Variants in TAF8 observed in about 807,000 individuals in gnomAD.
The protein encoded by TAF8 is transcription initiation factor TFIID subunit 8.
A neutral mutation model predicts 36.5 loss-of-function variants in TAF8; 47 were observed. The ratio of observed to expected loss-of-function variants is 1.29; its 90% CI spans 1.02 to 1.64. The LOEUF is 1.64. TAF8 is among the 40% of genes most tolerant of loss of function. The pLI, the probability that TAF8 is intolerant of heterozygous loss-of-function variation, is 0.00. For missense variants in TAF8, 420 were observed against 407.6 expected (o/e 1.03, Z -0.26); for synonymous variants, 175 against 159.5 (o/e 1.10, Z -0.73).
intron 5 of TAF8, among the ~76,000 whole-genome samples, chr6:42,061,139 A>G (rs1269671760): frequency 6.6e-6 from 1 of 152,244 alleles, no homozygotes; most frequent in African/African-American, 2.4e-5. Context: ...AAAGGACCAA[A>G]GCAAGATAAA....
At chr6:42,055,448 G>A in intron 2 of TAF8, 83 bp from the exon 3 acceptor site, 1 of 922,256 alleles carries the variant, frequency 1.1e-6, no homozygotes, top group Admixed American at 1.8e-5. Flanking sequence ...ACCTAGGAGT[G>A]GAATTGTTGG....
In TAF8 at chr6:42,079,441, A is replaced by C; in HGVS notation, c.*1896A>C. The C allele has an allele frequency of 5.1e-6, 5 of 985,468 alleles. No individual in the cohort carries two copies. Among genetic ancestry groups the C allele is most frequent in the Non-Finnish European group, 6.0e-6 (5 of 829,934 alleles). 61.0% of individuals were successfully genotyped at this position (985,468 alleles called of 1,614,324 possible). A position where few individuals can be genotyped will look rare whatever the true frequency, so the allele number is the denominator to read the frequency against. ...CTCCTAAGGAAGAGTTTTTAAAACT[A>C]AATCCAAGGAAGAAAAATGTAACAA... On this transcript the variant is annotated 3_prime_UTR_variant, in exon 9 of 9. Transcript: ENST00000372977.
intron 5 of TAF8, among the ~76,000 whole-genome samples, chr6:42,062,615 A>G (rs1167523120): frequency 7.2e-6 from 1 of 138,312 alleles, no homozygotes; most frequent in African/African-American, 2.8e-5. Flanking sequence ...GCTCACTGCA[A>G]CCTCCACCAC....
At position 42,079,645 on chromosome 6, in the gene TAF8, C is replaced by G; in HGVS notation, c.*2100C>G. On this transcript the variant is annotated 3_prime_UTR_variant, in exon 9 of 9. Coordinates refer to ENST00000372977, the MANE Select transcript of TAF8 (RefSeq NM_138572.3). ...TGGCACTACCTCGGCTCACTGCAAC[C>G]TCCACTCCCCGGGTTCAAGCAATTC... 1.2e-6 allele frequency: 1 copy of G among 856,570 alleles called. No homozygotes were observed. Among genetic ancestry groups the G allele is most frequent in the Non-Finnish European group, 1.4e-6 (1 of 712,710 alleles). The allele number at this position is 856,570 out of a possible 1,614,324, so 53.1% of individuals were successfully genotyped here.
downstream of TAF8, chr6:42,087,148 T>C (rs1468718007): frequency 1.7e-5 from 4 of 239,196 alleles, no homozygotes; most frequent in Non-Finnish European, 3.3e-5. Context: ...TCAGCTTGTC[T>C]GGAGGAGGCC....
chr6:42,080,354 T>A lies in TAF8; in HGVS notation c.*2809T>A. The A allele has an allele frequency of 1.0e-6, 1 of 987,430 alleles. No homozygotes were observed. The highest frequency in any genetic ancestry group is 1.2e-6 in the Non-Finnish European group (1 of 834,342). The allele number at this position is 987,430 out of a possible 1,614,324, so 61.2% of individuals were successfully genotyped here. A position where few individuals can be genotyped will look rare whatever the true frequency, so the allele number is the denominator to read the frequency against. On this transcript the variant is annotated 3_prime_UTR_variant, in exon 9 of 9. Transcript: ENST00000372977. ...TCTGCTGTTGAGATTTCAGAGGCTA[T>A]ACTCTTTTTTTTTCTTTTCTTTTTT...
In TAF8 at chr6:42,077,209, C is replaced by A. The variant is rs781551114; in HGVS notation, c.890C>A (p.Pro297Gln). 6.2e-7 allele frequency: 1 copy of A among 1,613,746 alleles called. No individual in the cohort carries two copies. Among genetic ancestry groups the A allele is most frequent in the Non-Finnish European group, 8.5e-7 (1 of 1,179,784 alleles). Reference sequence around the variant, plus strand: ...ATCATCGATAACCCTTATCTGCGGCCGGTGAAGAAGCCCAAGATCCGCAGG... The same window carrying A: ...ATCATCGATAACCCTTATCTGCGGCAGGTGAAGAAGCCCAAGATCCGCAGG... Reference protein sequence around the residue: ...ENIIDNPYLRPVKKPKIRRKK... With the variant: ...ENIIDNPYLRQVKKPKIRRKK... Residue 297 changes from proline to glutamine, a missense_variant, in exon 8 of 9, where the codon CCG becomes CAG. Coordinates refer to ENST00000372977, the MANE Select transcript of TAF8 (RefSeq NM_138572.3).
Position 42,079,054 on chromosome 6 carries a change from G to A in TAF8, c.*1509G>A, listed in dbSNP as rs1362195381. 7 of 658,698 alleles carry A rather than the reference G, an allele frequency of 1.1e-5. No homozygotes were observed. In the South Asian group the frequency reaches 2.0e-4, roughly 19 times the overall value. The allele number at this position is 658,698 out of a possible 1,614,324, so 40.8% of individuals were successfully genotyped here. Reference sequence around the variant, plus strand: ...GGAGAATCACTTGAACCTGGGAGGCGGAGGTTGCAGTGAGCCGAGATCGTG... The same window carrying A: ...GGAGAATCACTTGAACCTGGGAGGCAGAGGTTGCAGTGAGCCGAGATCGTG... On this transcript the variant is annotated 3_prime_UTR_variant, in exon 9 of 9. Transcript: ENST00000372977.
chr6:42,084,220 C>G (rs560232104), downstream of TAF8, among the ~76,000 whole-genome samples: 244 of 151,122 alleles, frequency 1.6e-3, 1 homozygote, highest in African/African-American at 5.8e-3. Flanking sequence ...CTAAGGGCCT[C>G]GTTAGCCTGG....
At position 42,078,256 on chromosome 6, in the gene TAF8, TCACAGGATTTGA is replaced by T. The variant is rs1368019927; in HGVS notation, c.*712_*723del. On this transcript the variant is annotated 3_prime_UTR_variant, in exon 9 of 9. Transcript: ENST00000372977. ...CAGCAGCCAGTGACTTCGTTCATTATCACAGGATTTGATTCCTTTGAAACTCAAGAGACCAGG... is the reference window on the plus strand; with the variant it reads ...CAGCAGCCAGTGACTTCGTTCATTATTTCCTTTGAAACTCAAGAGACCAGG... 2 of 985,502 alleles carry T rather than the reference TCACAGGATTTGA, an allele frequency of 2.0e-6. No individual in the cohort carries two copies. The highest frequency in any genetic ancestry group is 2.4e-6 in the Non-Finnish European group (2 of 829,972). 61.0% of individuals were successfully genotyped at this position (985,502 alleles called of 1,614,324 possible).
At chr6:42,059,155 G>A (rs547783728) in intron 5 of TAF8, among the ~76,000 whole-genome samples, 1 of 151,890 alleles carries the variant, frequency 6.6e-6, no homozygotes, top group Non-Finnish European at 1.5e-5. Context: ...AGGCCGAGGT[G>A]GGGGGATCAT....
chr6:42,084,994 T>C (rs1766004953), downstream of TAF8, among the ~76,000 whole-genome samples: 1 of 152,214 alleles, frequency 6.6e-6, no homozygotes, highest in African/African-American at 2.4e-5. Flanking sequence ...GAGACTTCCA[T>C]AAGAGCAAAA....
intron 7 of TAF8, among the ~76,000 whole-genome samples, chr6:42,074,574 G>A (rs970095709): frequency 3.3e-5 from 5 of 152,072 alleles, no homozygotes; most frequent in Non-Finnish European, 4.4e-5. Flanking sequence ...CCACTCTGTC[G>A]TCTAGGCTGG....
At position 42,055,585 on chromosome 6, in the gene TAF8, C is replaced by A. The variant is rs1198889856; in HGVS notation, c.257C>A (p.Thr86Asn). 6.2e-7 allele frequency: 1 copy of A among 1,614,054 alleles called. No homozygotes were observed. The change falls in exon 3 of 9, where the codon ACC becomes AAC. Residue 86 changes from threonine (T) to asparagine (N), a missense_variant. Thr to Asn is a moderately conservative substitution (Grantham distance 65). Transcript: ENST00000372977. ...TCTTACTGTGAGCACACAGCCAGGA[C>A]CCAGCCCACACTGTCCGATATCGTG... Reference protein sequence around the residue: ...AKSYCEHTARTQPTLSDIVVT... With the variant: ...AKSYCEHTARNQPTLSDIVVT...
chr6:42,056,015 G>C lies in TAF8; in HGVS notation c.364+1G>C, dbSNP rs763892040. ...TCTCAGAGGATGGTCATCACTGCTCGTAAGTGACTTTGAACTGAGGTACTT... is the reference window on the plus strand; with the variant it reads ...TCTCAGAGGATGGTCATCACTGCTCCTAAGTGACTTTGAACTGAGGTACTT... On this transcript the variant is annotated splice_donor_variant, in intron 4 of 8. Coordinates refer to ENST00000372977, the MANE Select transcript of TAF8 (RefSeq NM_138572.3). LOFTEE classifies it high-confidence loss of function. 32 of 1,603,742 alleles carry C rather than the reference G, an allele frequency of 2.0e-5. No homozygotes were observed. Among genetic ancestry groups the C allele is most frequent in the African/African-American group, 2.7e-5 (2 of 74,716 alleles).
chr6:42,078,933 C>A lies in TAF8; in HGVS notation c.*1388C>A. ...GGTCAGGAGTTCGAGACCAGCCTGGCCAACATAGTGAAACCCCGTCTCTAC... is the reference window on the plus strand; with the variant it reads ...GGTCAGGAGTTCGAGACCAGCCTGGACAACATAGTGAAACCCCGTCTCTAC... On this transcript the variant is annotated 3_prime_UTR_variant, in exon 9 of 9. Coordinates refer to ENST00000372977, the MANE Select transcript of TAF8 (RefSeq NM_138572.3). 1.3e-6 allele frequency: 1 copy of A among 769,146 alleles called. No homozygotes were observed. Among genetic ancestry groups the A allele is most frequent in the Non-Finnish European group, 1.6e-6 (1 of 632,830 alleles). The allele number at this position is 769,146 out of a possible 1,614,324, so 47.6% of individuals were successfully genotyped here.
At position 42,077,937 on chromosome 6, in the gene TAF8, G is replaced by A. The variant is rs902460955; in HGVS notation, c.*392G>A. ...ATGCTGGCTAATTTTTGTATTTTGA[G>A]TAGAGATAGGGTTTCGCCATGTTGG... On this transcript the variant is annotated 3_prime_UTR_variant, in exon 9 of 9. Transcript: ENST00000372977. The A allele has an allele frequency of 3.7e-6, 1 of 267,924 alleles. No homozygotes were observed. Among genetic ancestry groups the A allele is most frequent in the Non-Finnish European group, 6.4e-6 (1 of 156,848 alleles). The allele number at this position is 267,924 out of a possible 1,614,324, so 16.6% of individuals were successfully genotyped here.
rs1388932720 is a variant in TAF8 at position 42,077,522 on chromosome 6, C to T, written c.921-11C>T. 1 of 1,612,726 alleles carries T rather than the reference C, an allele frequency of 6.2e-7. No individual in the cohort carries two copies. The highest frequency in any genetic ancestry group is 8.5e-7 in the Non-Finnish European group (1 of 1,179,452). ...CACACCAGGAGGCTCCATGGTTCCTCTTCTTTCTAGGTCCCTCTCCTGAGC... is the reference window on the plus strand; with the variant it reads ...CACACCAGGAGGCTCCATGGTTCCTTTTCTTTCTAGGTCCCTCTCCTGAGC... On this transcript the variant is annotated splice_polypyrimidine_tract_variant and intron_variant, in intron 8 of 8. Transcript: ENST00000372977.
downstream of TAF8, among the ~76,000 whole-genome samples, chr6:42,084,336 C>T (rs916624371): frequency 3.9e-5 from 6 of 152,122 alleles, no homozygotes; most frequent in Non-Finnish European, 7.4e-5. Context: ...ATGCCAGGCA[C>T]GGTGCTAAGC....
Sources: allele counts gnomAD v4.1 joint callset (sites outside exome capture counted in the v4.1 genomes callset), GRCh38; gene constraint gnomAD v4.1.1; transcripts MANE v1.5; gene names NCBI Gene and HGNC (gene_info 2026-07-23, HGNC 2026-07-21).